SGMS1: variants seen among roughly 807,000 people sequenced by gnomAD.
SGMS1 encodes the protein sphingomyelin synthase 1, also known as phosphatidylcholine:ceramide cholinephosphotransferase 1.
SGMS1 carries 13 observed loss-of-function variants against 46.2 expected under a neutral mutation model. The ratio of observed to expected loss-of-function variants is 0.28; its 90% CI spans 0.18 to 0.45. The LOEUF is 0.45. Ranked by LOEUF, SGMS1 falls within the 20% of genes least tolerant of loss-of-function variation. The pLI is 1.00. For missense variants in SGMS1, 324 were observed against 519.9 expected (o/e 0.62, Z 3.66); for synonymous variants, 203 against 187.8 (o/e 1.08, Z -0.66).
intron 1 of SGMS1, among the ~76,000 whole-genome samples, chr10:50,609,248 G>A (rs1482521988): frequency 2.6e-5 from 4 of 152,204 alleles, no homozygotes; most frequent in East Asian, 1.9e-4. Flanking sequence ...TGGGATTACA[G>A]ACATGAGCCA....
intron 5 of SGMS1, among the ~76,000 whole-genome samples, chr10:50,446,914 C>A (rs1362608870): frequency 6.6e-6 from 1 of 152,118 alleles, no homozygotes. Flanking sequence ...TCTCACAGGT[C>A]AAAAGTGTTT....
At chr10:50,546,369 T>C (rs1838100829) in intron 2 of SGMS1, among the ~76,000 whole-genome samples, 1 of 152,152 alleles carries the variant, frequency 6.6e-6, no homozygotes, top group East Asian at 1.9e-4. Flanking sequence ...ATCCCATTAC[T>C]GGGTATATAC....
At chr10:50,597,722 C>T (rs946872588) in intron 1 of SGMS1, among the ~76,000 whole-genome samples, 2 of 151,936 alleles carry the variant, frequency 1.3e-5, no homozygotes, top group Non-Finnish European at 2.9e-5. Flanking sequence ...TGTTAAAATT[C>T]ACAGAACTGG....
At chr10:50,508,944 C>T (rs1204985497) in intron 3 of SGMS1, among the ~76,000 whole-genome samples, 1 of 152,206 alleles carries the variant, frequency 6.6e-6, no homozygotes, top group Non-Finnish European at 1.5e-5. Context: ...TCCTTAAAAA[C>T]AGGGCTTGGG....
At chr10:50,321,721 A>C (rs1847448882) in intron 8 of SGMS1, among the ~76,000 whole-genome samples, 1 of 152,238 alleles carries the variant, frequency 6.6e-6, no homozygotes, top group Non-Finnish European at 1.5e-5. Flanking sequence ...TGAAATACTG[A>C]TAAGGTTAGC....
chr10:50,538,450 T>G (rs1588869704), intron 2 of SGMS1, among the ~76,000 whole-genome samples: 1 of 89,036 alleles, frequency 1.1e-5, no homozygotes, highest in African/African-American at 4.5e-5. Flanking sequence ...TGAGTGAGAC[T>G]CCATCTCAAA....
At chr10:50,460,627 G>C (rs1190073123) in intron 5 of SGMS1, 46 bp downstream of exon 5, 1 of 152,258 alleles carries the variant, frequency 6.6e-6, no homozygotes, top group Non-Finnish European at 1.5e-5. Context: ...GAGTAGAGCA[G>C]AGTGGGCCAC....
At position 50,434,372 on chromosome 10, in the gene SGMS1, C is replaced by T. The variant is rs61086153; in HGVS notation, c.-312-816G>A. On this transcript the variant is annotated intron_variant, in intron 5 of 10. Transcript: ENST00000361781. ...TGAAGAACGTGTGGCTCCAAGAAGA[C>T]AACATTGATAAAACAGGAACCTAAA... 2.0e-3 allele frequency among the ~76,000 whole-genome samples: 300 copies of T among 152,262 alleles called. 1 individual carries two copies. Among genetic ancestry groups the T allele is most frequent in the African/African-American group, 6.1e-3 (254 of 41,544 alleles).
At position 50,623,821 on chromosome 10, in the gene SGMS1, G is replaced by T. The variant is rs1479108086; in HGVS notation, c.-798C>A. ...GCACCCCAATCGCGCTCTCCGACCG[G>T]CTCCCTAGGCGCGAGGGGAGAGCAG... On this transcript the variant is annotated 5_prime_UTR_variant, in exon 1 of 11. Coordinates refer to ENST00000361781, the MANE Select transcript of SGMS1 (RefSeq NM_147156.4). The T allele has an allele frequency of 2.0e-6, 2 of 985,282 alleles. No individual in the cohort carries two copies. Among genetic ancestry groups the T allele is most frequent in the East Asian group, 2.3e-4 (2 of 8,796 alleles). The allele number at this position is 985,282 out of a possible 1,614,324, so 61.0% of individuals were successfully genotyped here. A position where few individuals can be genotyped will look rare whatever the true frequency, so the allele number is the denominator to read the frequency against.
At chr10:50,336,486 TC>T (rs1199617299) in intron 7 of SGMS1, among the ~76,000 whole-genome samples, 2 of 152,006 alleles carry the variant, frequency 1.3e-5, no homozygotes, top group African/African-American at 4.8e-5. Flanking sequence ...TTTTCTACAG[TC>T]TATGGGGAAC....
intron 5 of SGMS1, among the ~76,000 whole-genome samples, chr10:50,443,738 A>C (rs1164943958): frequency 1.3e-5 from 2 of 152,106 alleles, no homozygotes; most frequent in Non-Finnish European, 2.9e-5. Context: ...TGTTAACATA[A>C]AAGACTTTTT....
At chr10:50,553,431 TG>T (rs1194228774) in intron 2 of SGMS1, among the ~76,000 whole-genome samples, 1 of 152,202 alleles carries the variant, frequency 6.6e-6, no homozygotes, top group African/African-American at 2.4e-5. Flanking sequence ...GTATATTTCC[TG>T]ACTTTACAGT....
chr10:50,583,657 A>G (rs888174055), intron 2 of SGMS1, among the ~76,000 whole-genome samples: 4 of 152,224 alleles, frequency 2.6e-5, no homozygotes, highest in African/African-American at 9.6e-5. Context: ...TTTGATCCTT[A>G]GTCTAGCCCC....
chr10:50,375,243 G>A (rs945952894), intron 6 of SGMS1, among the ~76,000 whole-genome samples: 6 of 152,208 alleles, frequency 3.9e-5, no homozygotes, highest in African/African-American at 1.4e-4. Flanking sequence ...ACAAGGTAGA[G>A]ATTTCTGGGC....
At chr10:50,583,691 A>C (rs1838455413) in intron 2 of SGMS1, among the ~76,000 whole-genome samples, 1 of 152,250 alleles carries the variant, frequency 6.6e-6, no homozygotes, top group Non-Finnish European at 1.5e-5. Context: ...TCCAGTCCTT[A>C]GATTTGCAAT....
chr10:50,582,459 A>C (rs1838443792), intron 2 of SGMS1, among the ~76,000 whole-genome samples: 1 of 152,248 alleles, frequency 6.6e-6, no homozygotes, highest in Admixed American at 6.5e-5. Flanking sequence ...GCAGTGGTCC[A>C]AACCTCTCAG....
chr10:50,530,644 C>G (rs947852932), intron 2 of SGMS1, among the ~76,000 whole-genome samples: 3 of 152,050 alleles, frequency 2.0e-5, no homozygotes, highest in African/African-American at 4.8e-5. Flanking sequence ...GCCACCACAT[C>G]TGGCTAATTT....
At chr10:50,522,444 C>T (rs1837864633) in intron 2 of SGMS1, among the ~76,000 whole-genome samples, 1 of 152,150 alleles carries the variant, frequency 6.6e-6, no homozygotes, top group African/African-American at 2.4e-5. Context: ...AGACCAAAAT[C>T]TGGTATTACC....
At chr10:50,432,299 T>TA (rs1849412790) in intron 6 of SGMS1, among the ~76,000 whole-genome samples, 1 of 152,148 alleles carries the variant, frequency 6.6e-6, no homozygotes, top group East Asian at 1.9e-4. Context: ...ACAAAGGTAA[T>TA]AAATACTCAA....
Sources: allele counts gnomAD v4.1 joint callset (sites outside exome capture counted in the v4.1 genomes callset), GRCh38; gene constraint gnomAD v4.1.1; transcripts MANE v1.5; gene names NCBI Gene and HGNC (gene_info 2026-07-23, HGNC 2026-07-21).